B3GNT4: variants seen among roughly 807,000 people sequenced by gnomAD.
B3GNT4 encodes N-acetyllactosaminide beta-1,3-N-acetylglucosaminyltransferase 4.
In B3GNT4, 2 loss-of-function variants were observed where a neutral mutation model predicts 2.7. The observed-to-expected ratio is 0.73, with a 90% confidence interval of 0.30 to 2.31. B3GNT4 has a LOEUF of 2.31. B3GNT4 is among the 30% of genes most tolerant of loss of function. The pLI is 0.12. For synonymous variants in B3GNT4, 280 were observed against 203.4 expected (o/e 1.38, Z -3.20); for missense variants, 708 against 490.9 (o/e 1.44, Z -4.18).
At position 122,208,474 on chromosome 12, in the gene B3GNT4, T is replaced by C. The variant is rs756842203; in HGVS notation, c.*1086T>C. 10 of 1,614,088 alleles carry C rather than the reference T, an allele frequency of 6.2e-6. No homozygotes were observed. The African/African-American group carries it at 1.3e-4, about 22-fold the overall frequency. Reference sequence around the variant, plus strand: ...GACGGAGCTCTTCTATCTGTGCTTCTGCCAGCTTGGTTTCTGCTTTCCGGG... The same window carrying C: ...GACGGAGCTCTTCTATCTGTGCTTCCGCCAGCTTGGTTTCTGCTTTCCGGG... On this transcript the variant is annotated 3_prime_UTR_variant, in exon 3 of 3. Transcript: ENST00000324189.
At position 122,206,652 on chromosome 12, in the gene B3GNT4, G is replaced by C. The variant is rs182526849; in HGVS notation, c.401G>C (p.Arg134Pro). 2 of 1,613,734 alleles carry C rather than the reference G, an allele frequency of 1.2e-6. No individual in the cohort carries two copies. Among genetic ancestry groups the C allele is most frequent in the Non-Finnish European group, 8.5e-7 (1 of 1,179,992 alleles). ...TCACAGCCTGGTCACGTGGAGCGACGTGCGGCTATCCGCAGCACGTGGGGC... is the reference window on the plus strand; with the variant it reads ...TCACAGCCTGGTCACGTGGAGCGACCTGCGGCTATCCGCAGCACGTGGGGC... ...IKSQPGHVER[R>P]AAIRSTWGRV... The change falls in exon 3 of 3, where the codon CGT (arginine) becomes CCT (proline). Residue 134 changes from arginine to proline, a missense_variant. By Grantham distance (103) the Arg-to-Pro change is moderately radical (BLOSUM62 -2). Transcript: ENST00000324189.
At position 122,206,705 on chromosome 12, in the gene B3GNT4, C is replaced by T; in HGVS notation, c.454C>T (p.Gln152Ter). The change falls in exon 3 of 3, where the codon CAG becomes TAG. Residue 152 changes from glutamine to a stop codon, truncating the protein, a stop_gained. Transcript: ENST00000324189. LOFTEE classifies it low-confidence loss of function (END_TRUNC). ...GRVGGWARGR[Q>*]LKLVFLLGVA... ...GGTGGGGGGATGGGCTAGGGGCCGG[C>T]AGCTGAAGCTGGTGTTCCTCCTAGG... 10 of 1,610,086 alleles carry T rather than the reference C, an allele frequency of 6.2e-6. No homozygotes were observed. The highest frequency in any genetic ancestry group is 8.5e-6 in the Non-Finnish European group (10 of 1,177,838).
chr12:122,206,640 A>G lies in B3GNT4; in HGVS notation c.389A>G (p.His130Arg), dbSNP rs1027240839. Residue 130 changes from histidine to arginine, a missense_variant, in exon 3 of 3, where the codon CAC (histidine) becomes CGC (arginine). Coordinates refer to ENST00000324189, the MANE Select transcript of B3GNT4 (RefSeq NM_030765.4). ...LLLAIKSQPG[H>R]VERRAAIRST... The stretch of plus-strand genomic sequence containing the variant: ...CTGGCCATCAAGTCACAGCCTGGTC[A>G]CGTGGAGCGACGTGCGGCTATCCGC... 3 of 1,613,850 alleles carry G rather than the reference A, an allele frequency of 1.9e-6. No individual in the cohort carries two copies. In the East Asian group the frequency reaches 6.7e-5, roughly 36 times the overall value.
intron 2 of B3GNT4, chr12:122,205,843 TGCACTCCTG>T (rs1953906837): frequency 6.4e-6 from 1 of 155,144 alleles, no homozygotes; most frequent in South Asian, 2.0e-4. Flanking sequence ...AGGGAAGCAG[TGCACTCCTG>T]GTCATCTTGG....
rs1418879197 is a variant in B3GNT4 at position 122,207,521 on chromosome 12, A to C, written c.*133A>C. 1 of 837,974 alleles carries C rather than the reference A, an allele frequency of 1.2e-6. No homozygotes were observed. The highest frequency in any genetic ancestry group is 1.8e-6 in the Non-Finnish European group (1 of 554,210). The allele number at this position is 837,974 out of a possible 1,614,324, so 51.9% of individuals were successfully genotyped here. The stretch of plus-strand genomic sequence containing the variant: ...TCCTCTCACCCTGTTAGCTCTGATT[A>C]AAAACACTGCAACCCAGCTAACTTG... On this transcript the variant is annotated 3_prime_UTR_variant, in exon 3 of 3. Coordinates refer to ENST00000324189, the MANE Select transcript of B3GNT4 (RefSeq NM_030765.4).
Position 122,207,368 on chromosome 12 carries a change from G to A in B3GNT4, c.1117G>A (p.Gly373Ser), listed in dbSNP as rs929417506. ...VTDEGLKCAA[G>S]PIPQR ...AGATGAGGGGCTCAAGTGTGCAGCT[G>A]GCCCCATACCCCAGCGCTGAAGGGT... Residue 373 changes from glycine to serine, a missense_variant, in exon 3 of 3, where the codon GGC (glycine) becomes AGC (serine). By Grantham distance (56) the Gly-to-Ser change is moderately conservative. Transcript: ENST00000324189. The A allele has an allele frequency of 1.3e-6, 2 of 1,578,536 alleles. No homozygotes were observed. The highest frequency in any genetic ancestry group is 1.8e-5 in the Admixed American group (1 of 56,014).
At position 122,207,807 on chromosome 12, in the gene B3GNT4, C is replaced by G. The variant is rs1455178362; in HGVS notation, c.*419C>G. The G allele has an allele frequency of 2.2e-6, 1 of 464,762 alleles. No homozygotes were observed. The highest frequency in any genetic ancestry group is 2.3e-5 in the Admixed American group (1 of 42,804). The allele number at this position is 464,762 out of a possible 1,614,324, so 28.8% of individuals were successfully genotyped here. A position where few individuals can be genotyped will look rare whatever the true frequency, so the allele number is the denominator to read the frequency against. On this transcript the variant is annotated 3_prime_UTR_variant, in exon 3 of 3. Transcript: ENST00000324189. The stretch of plus-strand genomic sequence containing the variant: ...TGTTGATGTTAAGTCCTGTTGAGAG[C>G]ACCAGGTAAACACTCTGCACCCCTT...
Position 122,204,639 on chromosome 12 carries a change from C to T in B3GNT4, c.21C>T (p.Ser7=), listed in dbSNP as rs1487320265. 1.9e-6 allele frequency: 3 copies of T among 1,611,962 alleles called. No homozygotes were observed. Among genetic ancestry groups the T allele is most frequent in the Admixed American group, 1.7e-5 (1 of 60,020 alleles). ...CGTTCATGCTTCCTCCCCAGCCTTC[C>T]GCAGCCCACCAGGGAAGGGGCGGTA... is the stretch of plus-strand genomic sequence containing the variant. The part of the protein sequence containing the change: MLPPQP[S]AAHQGRGGRS... Residue 7 remains serine, a synonymous_variant, in exon 2 of 3, where the codon TCC becomes TCT. Coordinates refer to ENST00000324189, the MANE Select transcript of B3GNT4 (RefSeq NM_030765.4).
At chr12:122,204,919 A>G (rs1374786373) in intron 2 of B3GNT4, 12 of 529,328 alleles carry the variant, frequency 2.3e-5, no homozygotes, top group Admixed American at 6.6e-5. Flanking sequence ...AGTCCCAGCT[A>G]CTGGGGAGGC....
In B3GNT4 at chr12:122,206,503, C is replaced by T; in HGVS notation, c.252C>T (p.Ser84=). 1.2e-6 allele frequency: 2 copies of T among 1,614,194 alleles called. No individual in the cohort carries two copies. The highest frequency in any genetic ancestry group is 1.7e-6 in the Non-Finnish European group (2 of 1,180,030). Residue 84 remains serine (S), a synonymous_variant, in exon 3 of 3, where the codon AGC becomes AGT. Coordinates refer to ENST00000324189, the MANE Select transcript of B3GNT4 (RefSeq NM_030765.4). ...SRCPPNHTVS[S]ASLSLPSRHR... is the part of the protein sequence containing the mutation. The stretch of plus-strand genomic sequence containing the variant: ...GTCCACCCAACCACACAGTGTCTAG[C>T]GCCTCTCTGTCCCTGCCTAGCCGTC...
rs1953940170 is a variant in B3GNT4, at chr12:122,207,224, T to C, written c.973T>C (p.Phe325Leu). The part of the protein sequence containing the change: ...LGLSPMHHAG[F>L]KTFGIRRPLD... ...GCTGAGCCCTATGCACCATGCTGGC[T>C]TCAAGACATTTGGAATCCGGCGGCC... The change falls in exon 3 of 3, where the codon TTC (phenylalanine) becomes CTC (leucine). Residue 325 changes from phenylalanine to leucine, a missense_variant. Transcript: ENST00000324189. 6.2e-7 allele frequency: 1 copy of C among 1,614,160 alleles called. No homozygotes were observed. The highest frequency in any genetic ancestry group is 8.5e-7 in the Non-Finnish European group (1 of 1,180,028).
Position 122,206,839 on chromosome 12 carries a change from G to A in B3GNT4, c.588G>A (p.Lys196=), listed in dbSNP as rs780153302. ...AGGACTTCTTCAACCTGACGCTCAA[G>A]GAGCTGCACCTGCAGCGCTGGGTGG... ...FTEDFFNLTL[K]ELHLQRWVVA... is the part of the protein sequence containing the mutation. Residue 196 remains lysine (K), a synonymous_variant, in exon 3 of 3, where the codon AAG becomes AAA. Coordinates refer to ENST00000324189, the MANE Select transcript of B3GNT4 (RefSeq NM_030765.4). 33 of 1,613,564 alleles carry A rather than the reference G, an allele frequency of 2.0e-5. No homozygotes were observed. The highest frequency in any genetic ancestry group is 2.8e-5 in the Non-Finnish European group (33 of 1,179,880).
At position 122,208,647 on chromosome 12, in the gene B3GNT4, TG is replaced by T. The variant is rs1425418208; in HGVS notation, c.*1264del. The T allele has an allele frequency of 1.3e-6, 2 of 1,520,228 alleles. No individual in the cohort carries two copies. Among genetic ancestry groups the T allele is most frequent in the African/African-American group, 1.4e-5 (1 of 73,218 alleles). 94.2% of individuals were successfully genotyped at this position (1,520,228 alleles called of 1,614,324 possible). On this transcript the variant is annotated 3_prime_UTR_variant, in exon 3 of 3. Coordinates refer to ENST00000324189, the MANE Select transcript of B3GNT4 (RefSeq NM_030765.4). ...CGGAAGGCTCATGTGGACGTTGGCCTGGGGGTGCTGTGGCTGTCATCTGAAC... is the reference window on the plus strand; with the variant it reads ...CGGAAGGCTCATGTGGACGTTGGCCTGGGGTGCTGTGGCTGTCATCTGAAC...
In B3GNT4 at chr12:122,207,222, G is replaced by C. The variant is rs772787556; in HGVS notation, c.971G>C (p.Gly324Ala). 57 of 1,613,974 alleles carry C rather than the reference G, an allele frequency of 3.5e-5. No homozygotes were observed. Among genetic ancestry groups the C allele is most frequent in the South Asian group, 4.4e-5 (4 of 91,072 alleles). The change falls in exon 3 of 3, where the codon GGC (glycine) becomes GCC (alanine). Residue 324 changes from glycine (G) to alanine (A), a missense_variant. Physicochemically the swap from Gly to Ala is moderately conservative, Grantham distance 60. Coordinates refer to ENST00000324189, the MANE Select transcript of B3GNT4 (RefSeq NM_030765.4). ...GGGCTGAGCCCTATGCACCATGCTG[G>C]CTTCAAGACATTTGGAATCCGGCGG... is the stretch of plus-strand genomic sequence containing the variant. Reference protein sequence around the residue: ...RLGLSPMHHAGFKTFGIRRPL... With the variant: ...RLGLSPMHHAAFKTFGIRRPL...
Position 122,204,505 on chromosome 12 carries a change from G to C in B3GNT4, c.-97-17G>C. On this transcript the variant is annotated splice_polypyrimidine_tract_variant and intron_variant, in intron 1 of 2. Coordinates refer to ENST00000324189, the MANE Select transcript of B3GNT4 (RefSeq NM_030765.4). ...CGGTGAATGGCACCGCCGCCCGCCCGGGCCTCTCGTCCACAGCCCGCGGTG... is the reference window on the plus strand; with the variant it reads ...CGGTGAATGGCACCGCCGCCCGCCCCGGCCTCTCGTCCACAGCCCGCGGTG... 6 of 894,456 alleles carry C rather than the reference G, an allele frequency of 6.7e-6. No individual in the cohort carries two copies. The South Asian group carries it at 8.2e-5, about 12-fold the overall frequency. The allele number at this position is 894,456 out of a possible 1,614,324, so 55.4% of individuals were successfully genotyped here.
intron 1 of B3GNT4, among the ~76,000 whole-genome samples, chr12:122,204,074 G>A (rs540878135): frequency 1.3e-5 from 2 of 151,826 alleles, no homozygotes; most frequent in Admixed American, 1.3e-4. Context: ...GGCCGCCCGC[G>A]CCCGACGCGC....
rs1953876736 is a variant in B3GNT4 at position 122,203,732 on chromosome 12, C to G, written c.-167C>G. Reference sequence around the variant, plus strand: ...CCACTCCCGAGCCCCGAGAGCTCCGCGCACCTGGGCGCCATCCGCCCTGGC... The same window carrying G: ...CCACTCCCGAGCCCCGAGAGCTCCGGGCACCTGGGCGCCATCCGCCCTGGC... On this transcript the variant is annotated 5_prime_UTR_variant, in exon 1 of 3. Transcript: ENST00000324189. The G allele has an allele frequency of 3.0e-5, 8 of 267,068 alleles. 1 individual carries two copies. In the South Asian group the frequency reaches 9.4e-4, roughly 31 times the overall value. The allele number at this position is 267,068 out of a possible 1,614,324, so 16.5% of individuals were successfully genotyped here. A position where few individuals can be genotyped will look rare whatever the true frequency, so the allele number is the denominator to read the frequency against.
intron 1 of B3GNT4, 134 bp from the exon 2 acceptor site, chr12:122,204,388 G>C (rs892535597): frequency 2.4e-6 from 1 of 419,672 alleles, no homozygotes; most frequent in African/African-American, 2.1e-5. Context: ...GCCTGGGGAC[G>C]CCCGCGGCGG....
chr12:122,206,052 C>A, intron 2 of B3GNT4: 1 of 437,970 alleles, frequency 2.3e-6, no homozygotes, highest in Admixed American at 4.2e-5. Flanking sequence ...ATGGTGTCAG[C>A]TGTAAAGTGG....
Sources: gnomAD v4.1 joint callset for allele counts (sites outside exome capture counted in the v4.1 genomes callset) on GRCh38, gnomAD v4.1.1 for gene constraint, MANE v1.5 for transcripts, NCBI Gene and HGNC (gene_info 2026-07-23, HGNC 2026-07-21) for gene names.